Variants in PPP2R2B observed in about 807,000 individuals in gnomAD.
PPP2R2B encodes serine/threonine-protein phosphatase 2A 55 kDa regulatory subunit B beta isoform.
A neutral mutation model predicts 46.0 loss-of-function variants in PPP2R2B; 5 were observed. The observed-to-expected ratio is 0.11, with a 90% CI of 0.06 to 0.23. The LOEUF is 0.23. PPP2R2B is among the 10% of genes least tolerant of loss of function. The pLI, the probability that PPP2R2B is intolerant of heterozygous loss-of-function variation, is 1.00. For missense variants in PPP2R2B, 367 were observed against 575.0 expected (o/e 0.64, Z 3.70); for synonymous variants, 215 against 206.7 (o/e 1.04, Z -0.34).
intron 2 of PPP2R2B, among the ~76,000 whole-genome samples, chr5:146,797,451 G>T (rs2151301191): frequency 6.6e-6 from 1 of 152,252 alleles, no homozygotes; most frequent in South Asian, 2.1e-4. Context: ...AAACCAACTT[G>T]CCTGCTTTCT....
upstream of PPP2R2B, chr5:146,879,087 C>T (rs1321135825): frequency 4.2e-6 from 1 of 236,076 alleles, no homozygotes; most frequent in Non-Finnish European, 7.6e-6. Flanking sequence ...GAAGTAGGTT[C>T]CTTTGGATAG....
chr5:146,727,289 G>A (rs1751935498), intron 2 of PPP2R2B, among the ~76,000 whole-genome samples: 5 of 148,986 alleles, frequency 3.4e-5, no homozygotes, highest in Admixed American at 3.3e-4. Flanking sequence ...TTAAAGGGTA[G>A]GATTATGAGA....
At chr5:147,001,582 C>T (rs1459752433) in intron 1 of PPP2R2B, among the ~76,000 whole-genome samples, 2 of 152,166 alleles carry the variant, frequency 1.3e-5, no homozygotes, top group Non-Finnish European at 2.9e-5. Context: ...TCTGAGGCTT[C>T]ATTCTTGAAG....
At chr5:146,808,184 T>A (rs1440990129) in intron 2 of PPP2R2B, among the ~76,000 whole-genome samples, 1 of 152,148 alleles carries the variant, frequency 6.6e-6, no homozygotes, top group Admixed American at 6.5e-5. Context: ...ATATTTTAGG[T>A]TTGTGCCGTC....
chr5:146,891,096 G>A (rs1762479537), intron 1 of PPP2R2B, among the ~76,000 whole-genome samples: 1 of 152,196 alleles, frequency 6.6e-6, no homozygotes, highest in Non-Finnish European at 1.5e-5. Flanking sequence ...CACAGATACA[G>A]CACTTAACTG....
Position 146,590,005 on chromosome 5 carries a change from T to A in PPP2R2B, c.1274A>T (p.Asn425Ile). The A allele has an allele frequency of 6.2e-7, 1 of 1,614,182 alleles. No individual in the cohort carries two copies. The highest frequency in any genetic ancestry group is 8.5e-7 in the Non-Finnish European group (1 of 1,180,028). Residue 425 changes from asparagine to isoleucine, a missense_variant, in exon 10 of 10, where the codon AAT (asparagine) becomes ATT (isoleucine). Asn to Ile is a moderately radical substitution (Grantham distance 149). This residue lies in a region of PPP2R2B where 6 missense variants were observed against 29.5 expected (regional missense o/e 0.20). Coordinates refer to ENST00000394411, the MANE Select transcript of PPP2R2B (RefSeq NM_181675.4). ...ILHTAWHPSE[N>I]IIAVAATNNL... ...ATTTGTAGCCGCCACTGCTATAATA[T>A]TTTCTGAAGGATGCCAAGCTGTATG...
At chr5:146,831,776 GAC>G (rs1456505430) in intron 2 of PPP2R2B, among the ~76,000 whole-genome samples, 1 of 152,188 alleles carries the variant, frequency 6.6e-6, no homozygotes, top group Non-Finnish European at 1.5e-5. Context: ...CAGCTTGGGT[GAC>G]AGAGTGAGAC....
At chr5:146,846,117 C>T (rs750781094) in intron 2 of PPP2R2B, among the ~76,000 whole-genome samples, 2 of 152,166 alleles carry the variant, frequency 1.3e-5, no homozygotes, top group Admixed American at 6.5e-5. Flanking sequence ...CAGTGGCTCA[C>T]GCCTGTAAAC....
intron 1 of PPP2R2B, among the ~76,000 whole-genome samples, chr5:146,962,720 C>G (rs758744982): frequency 9.2e-5 from 14 of 152,052 alleles, no homozygotes; most frequent in Non-Finnish European, 1.5e-4. Context: ...TCAGAGATAC[C>G]ATTTCAGAAT....
At chr5:146,784,695 G>C (rs111490947) in intron 2 of PPP2R2B, among the ~76,000 whole-genome samples, 16 of 152,190 alleles carry the variant, frequency 1.1e-4, no homozygotes, top group African/African-American at 3.6e-4. Context: ...TTTTTGTGTG[G>C]CTCTCAGCTC....
rs1769979324 is a variant in PPP2R2B at position 146,583,079 on chromosome 5, A to G, written c.*6868T>C. On this transcript the variant is annotated 3_prime_UTR_variant, in exon 10 of 10. Transcript: ENST00000394411. ...CCAGAGTGTTGTGAATTCCATATATATATAGCATATGCTGTTTTGCCTCCA... is the reference window on the plus strand; with the variant it reads ...CCAGAGTGTTGTGAATTCCATATATGTATAGCATATGCTGTTTTGCCTCCA... The G allele has an allele frequency of 6.6e-6, 1 of 152,114 alleles. No individual in the cohort carries two copies. The highest frequency in any genetic ancestry group is 2.1e-4 in the South Asian group (1 of 4,806). 9.4% of individuals were successfully genotyped at this position (152,114 alleles called of 1,614,324 possible).
chr5:146,998,202 T>C (rs1754006825), intron 1 of PPP2R2B, among the ~76,000 whole-genome samples: 1 of 152,224 alleles, frequency 6.6e-6, no homozygotes, highest in South Asian at 2.1e-4. Context: ...TTTGTTGAGA[T>C]TGTGTTTTTC....
chr5:146,812,130 G>A (rs1757590492), intron 2 of PPP2R2B, among the ~76,000 whole-genome samples: 1 of 151,976 alleles, frequency 6.6e-6, no homozygotes, highest in Non-Finnish European at 1.5e-5. Flanking sequence ...ACGTGTGGAA[G>A]TTTCCATTAC....
chr5:146,587,577 ACT>A lies in PPP2R2B; in HGVS notation c.*2368_*2369del, dbSNP rs1329096324. The A allele has an allele frequency of 2.0e-5, 3 of 152,254 alleles. No individual in the cohort carries two copies. In the East Asian group the frequency reaches 5.8e-4, roughly 29 times the overall value. The allele number at this position is 152,254 out of a possible 1,614,324, so 9.4% of individuals were successfully genotyped here. Reference sequence around the variant, plus strand: ...GTGTGTGTTATGGGCAGCCCTGCTGACTCTAATATGTGAAGAACCACCATCTT... The same window carrying A: ...GTGTGTGTTATGGGCAGCCCTGCTGACTAATATGTGAAGAACCACCATCTT... On this transcript the variant is annotated 3_prime_UTR_variant, in exon 10 of 10. Coordinates refer to ENST00000394411, the MANE Select transcript of PPP2R2B (RefSeq NM_181675.4).
At chr5:146,973,614 G>A (rs1752762746) in intron 1 of PPP2R2B, among the ~76,000 whole-genome samples, 1 of 152,116 alleles carries the variant, frequency 6.6e-6, no homozygotes, top group South Asian at 2.1e-4. Flanking sequence ...AATTCCTCAC[G>A]TATAACTCAA....
At chr5:146,684,846 A>G (rs962565359) in intron 5 of PPP2R2B, among the ~76,000 whole-genome samples, 1 of 152,162 alleles carries the variant, frequency 6.6e-6, no homozygotes, top group Non-Finnish European at 1.5e-5. Context: ...CAAAGATGTC[A>G]TTTCTTAGAG....
At chr5:146,856,061 G>T (rs941109341) in intron 2 of PPP2R2B, among the ~76,000 whole-genome samples, 1 of 151,856 alleles carries the variant, frequency 6.6e-6, no homozygotes, top group Non-Finnish European at 1.5e-5. Flanking sequence ...GTCTTTCTTT[G>T]CCTCTTGACC....
At chr5:146,640,472 A>G (rs1446706288) in intron 6 of PPP2R2B, among the ~76,000 whole-genome samples, 2 of 152,196 alleles carry the variant, frequency 1.3e-5, no homozygotes, top group African/African-American at 4.8e-5. Flanking sequence ...TCAGCCACTG[A>G]CCCATGCCCT....
intron 2 of PPP2R2B, among the ~76,000 whole-genome samples, chr5:146,751,055 G>A (rs1307708726): frequency 6.6e-6 from 1 of 152,126 alleles, no homozygotes; most frequent in Non-Finnish European, 1.5e-5. Context: ...CCCCAAAGAA[G>A]TGGATTTACA....
Sources: allele counts gnomAD v4.1 joint callset (sites outside exome capture counted in the v4.1 genomes callset), GRCh38; gene constraint gnomAD v4.1.1; regional missense constraint gnomAD v4.1.1; transcripts MANE v1.5; gene names NCBI Gene and HGNC (gene_info 2026-07-23, HGNC 2026-07-21).